The following MARCHF1 variants were observed in gnomAD, a reference collection of about 807,000 sequenced individuals.
MARCHF1 encodes E3 ubiquitin-protein ligase MARCHF1.
A neutral mutation model predicts 54.2 loss-of-function variants in MARCHF1; 40 were observed. The observed-to-expected ratio is 0.74, with a 90% CI of 0.57 to 0.96. MARCHF1 has a LOEUF of 0.96. MARCHF1 is among the 40% of genes least tolerant of loss of function. MARCHF1 has a pLI of 0.00. For missense variants in MARCHF1, 586 were observed against 656.5 expected (o/e 0.89, Z 1.17); for synonymous variants, 236 against 236.3 (o/e 1.00, Z 0.01).
intron 2 of MARCHF1, among the ~76,000 whole-genome samples, chr4:164,034,172 G>T (rs28802934): frequency 6.6e-6 from 1 of 151,980 alleles, no homozygotes; most frequent in African/African-American, 2.4e-5. Context: ...ATGAGATCAC[G>T]TGTTTGCAGG....
chr4:163,579,577 T>C (rs1228011807), intron 8 of MARCHF1, among the ~76,000 whole-genome samples: 3 of 152,220 alleles, frequency 2.0e-5, no homozygotes, highest in East Asian at 1.9e-4. Context: ...GAAAAACTTA[T>C]CTGGCTCATT....
chr4:163,571,623 A>G (rs1391806816), intron 8 of MARCHF1, among the ~76,000 whole-genome samples: 3 of 152,136 alleles, frequency 2.0e-5, no homozygotes, highest in Non-Finnish European at 4.4e-5. Flanking sequence ...ATTGATAAAA[A>G]TACTCCTTCA....
At chr4:164,347,502 G>C (rs755324058) in intron 1 of MARCHF1, among the ~76,000 whole-genome samples, 13 of 152,148 alleles carry the variant, frequency 8.5e-5, no homozygotes, top group Non-Finnish European at 1.8e-4. Context: ...TCCTTTGACT[G>C]TTCTTACCTA....
At position 163,673,688 on chromosome 4, in the gene MARCHF1, G is replaced by C. The variant is rs569752024; in HGVS notation, c.162+27125C>G. ...ATAAGTAGCTTATCATAGGAGGCAA[G>C]AGTTTTCTTAAAGTACTTGCCATAT... On this transcript the variant is annotated intron_variant, in intron 5 of 9. Coordinates refer to ENST00000514618, the MANE Select transcript of MARCHF1 (RefSeq NM_001394959.1). Among the ~76,000 whole-genome samples, 5 of 152,190 alleles carry C rather than the reference G, an allele frequency of 3.3e-5. No individual in the cohort carries two copies. The South Asian group carries it at 8.3e-4, about 25-fold the overall frequency.
intron 5 of MARCHF1, among the ~76,000 whole-genome samples, chr4:163,697,865 C>G (rs1038376168): frequency 6.6e-6 from 1 of 152,150 alleles, no homozygotes; most frequent in South Asian, 2.1e-4. Context: ...TTAATCCTGT[C>G]CACTCTGCAT....
intron 1 of MARCHF1, among the ~76,000 whole-genome samples, chr4:164,133,369 CA>C (rs1756340122): frequency 6.6e-6 from 1 of 152,180 alleles, no homozygotes. Context: ...TAGCTTTTAT[CA>C]AGAATAAAAC....
intron 1 of MARCHF1, among the ~76,000 whole-genome samples, chr4:164,264,113 T>C (rs1392338701): frequency 5.3e-5 from 8 of 152,080 alleles, no homozygotes; most frequent in Admixed American, 1.3e-4. Flanking sequence ...CAATGACAGA[T>C]TGGATAAAGA....
chr4:164,005,780 G>A (rs1257063534), intron 2 of MARCHF1, among the ~76,000 whole-genome samples: 1 of 152,130 alleles, frequency 6.6e-6, no homozygotes, highest in Non-Finnish European at 1.5e-5. Flanking sequence ...TGGCTGTTTG[G>A]CAGCACCACA....
At chr4:163,853,975 C>G in intron 4 of MARCHF1, 46 bp downstream of exon 4, 1 of 1,513,786 alleles carries the variant, frequency 6.6e-7, no homozygotes, top group Non-Finnish European at 8.9e-7. Flanking sequence ...CTTTAGCATT[C>G]TATTTACATA....
chr4:163,782,787 A>T (rs75450264), intron 4 of MARCHF1, among the ~76,000 whole-genome samples: 3,632 of 152,292 alleles, frequency 0.024, 65 homozygotes, highest in East Asian at 0.074. Flanking sequence ...GCAAAGTCAG[A>T]CAAGTGTAGC....
Position 164,014,189 on chromosome 4 carries a change from T to TC in MARCHF1, c.-247-25481dup, listed in dbSNP as rs1463704696. ...CCTGGAGACAGAGTGAGACTGCATCTCAAAAAAAAAAAAAAAGTAAAGAGA... is the reference window on the plus strand; with the variant it reads ...CCTGGAGACAGAGTGAGACTGCATCTCCAAAAAAAAAAAAAAAGTAAAGAGA... On this transcript the variant is annotated intron_variant, in intron 2 of 9. Transcript: ENST00000514618. 5.6e-3 allele frequency among the ~76,000 whole-genome samples: 436 copies of TC among 78,362 alleles called. 2 individuals carry two copies. Among genetic ancestry groups the TC allele is most frequent in the African/African-American group, 0.022 (421 of 18,874 alleles). 51.4% of individuals were successfully genotyped at this position (78,362 alleles called of 152,430 possible).
At chr4:163,636,044 A>T (rs12645436) in intron 5 of MARCHF1, among the ~76,000 whole-genome samples, 12,086 of 152,032 alleles carry the variant, frequency 0.079, 769 homozygotes, top group East Asian at 0.27. Flanking sequence ...AAATTCAACA[A>T]CCCTTCATGC....
In MARCHF1 at chr4:164,047,342, A is replaced by C. The variant is rs145315164; in HGVS notation, c.-247-58633T>G. Among the ~76,000 whole-genome samples, 216 of 152,248 alleles carry C rather than the reference A, an allele frequency of 1.4e-3. 2 individuals carry two copies. Among genetic ancestry groups the C allele is most frequent in the African/African-American group, 5.0e-3 (207 of 41,550 alleles). ...ATCATGTGACTGGGCCTAGGAGGGG[A>C]CTTTCCTCCAGGCCTCAGATAAGAG... On this transcript the variant is annotated intron_variant, in intron 2 of 9. Transcript: ENST00000514618.
At chr4:163,593,116 A>G (rs1266601825) in intron 7 of MARCHF1, among the ~76,000 whole-genome samples, 1 of 152,188 alleles carries the variant, frequency 6.6e-6, no homozygotes, top group Non-Finnish European at 1.5e-5. Flanking sequence ...AGTGCCATTT[A>G]TCTTTCCAGA....
chr4:163,676,306 G>A (rs1229984152), intron 5 of MARCHF1, among the ~76,000 whole-genome samples: 5 of 149,994 alleles, frequency 3.3e-5, no homozygotes. Context: ...GCAGTGAGCC[G>A]AGGTTGCGCC....
intron 3 of MARCHF1, among the ~76,000 whole-genome samples, chr4:163,906,727 A>G (rs1429762957): frequency 1.3e-5 from 2 of 151,928 alleles, no homozygotes; most frequent in Non-Finnish European, 2.9e-5. Context: ...ACAAATAAAA[A>G]AAAAGAAAAA....
intron 4 of MARCHF1, among the ~76,000 whole-genome samples, chr4:163,702,708 A>G (rs1408417363): frequency 1.3e-5 from 2 of 152,198 alleles, no homozygotes; most frequent in East Asian, 3.8e-4. Flanking sequence ...GCATCTGCCA[A>G]TCTAATGGGG....
chr4:164,202,625 G>A (rs148198191), intron 1 of MARCHF1, among the ~76,000 whole-genome samples: 1 of 152,178 alleles, frequency 6.6e-6, no homozygotes, highest in East Asian at 1.9e-4. Flanking sequence ...GGCATAGCTA[G>A]TACTCAAACC....
chr4:163,632,555 G>A (rs797014047), intron 5 of MARCHF1, among the ~76,000 whole-genome samples: 26 of 152,260 alleles, frequency 1.7e-4, no homozygotes, highest in East Asian at 7.7e-4. Flanking sequence ...AAAAAACGGC[G>A]CACCACAAGA....
Sources: allele counts gnomAD v4.1 joint callset (sites outside exome capture counted in the v4.1 genomes callset), GRCh38; gene constraint gnomAD v4.1.1; transcripts MANE v1.5; gene names NCBI Gene and HGNC (gene_info 2026-07-23, HGNC 2026-07-21).